The following DCX variants were observed in gnomAD, a reference collection of about 807,000 sequenced individuals.
The protein encoded by DCX is neuronal migration protein doublecortin.
A neutral mutation model predicts 20.9 loss-of-function variants in DCX; 4 were observed. The observed-to-expected ratio is 0.19, with a 90% CI of 0.09 to 0.44. The LOEUF (loss-of-function observed/expected upper bound fraction) is 0.44, where lower values mean the gene tolerates loss of function less well. Ranked by LOEUF, DCX falls within the 20% of genes least tolerant of loss-of-function variation. The probability of loss-of-function intolerance (pLI) is 0.99; values close to 1 mark genes in which losing one functional copy is unlikely to be tolerated. For synonymous variants in DCX, 103 were observed against 111.4 expected, an observed-to-expected ratio of 0.92 and a Z score of 0.47; for missense variants, 133 against 296.9, an observed-to-expected ratio of 0.45 and a Z score of 4.06.
rs765483257 is a variant in DCX at position 111,347,120 on chromosome X, G to T, written c.706-13967C>A. Among the ~76,000 whole-genome samples, 354 of 111,427 alleles carry T rather than the reference G, an allele frequency of 3.2e-3. 3 individuals are homozygous for T. Among genetic ancestry groups the T allele is most frequent in the African/African-American group, 0.011 (323 of 30,710 alleles). ...AACACATATTTAAAAATTATTATTAGTAGTAGTAACAAGCAAGAGTAAGAA... is the reference window on the plus strand; with the variant it reads ...AACACATATTTAAAAATTATTATTATTAGTAGTAACAAGCAAGAGTAAGAA... On this transcript the variant is annotated intron_variant, in intron 3 of 6. Coordinates refer to ENST00000636035, the MANE Select transcript of DCX (RefSeq NM_001195553.2).
At chrX:111,396,136 C>T (rs998981241) in intron 3 of DCX, among the ~76,000 whole-genome samples, 3 of 112,070 alleles carry the variant, frequency 2.7e-5, no homozygotes, top group Non-Finnish European at 5.6e-5. Flanking sequence ...TGAAACATCC[C>T]TCATGCTCTC....
chrX:111,396,929 C>T (rs934898057), intron 3 of DCX, among the ~76,000 whole-genome samples: 9 of 111,273 alleles, frequency 8.1e-5, no homozygotes, highest in Admixed American at 1.9e-4. Context: ...TGGTGGTTGG[C>T]TTTCCTGTCT....
chrX:111,331,432 T>C (rs1000199265), intron 4 of DCX, among the ~76,000 whole-genome samples: 1 of 112,196 alleles, frequency 8.9e-6, no homozygotes, highest in African/African-American at 3.2e-5. Flanking sequence ...GCTACACAGA[T>C]GAAACATCCA....
At chrX:111,339,202 A>G (rs768027398) in intron 3 of DCX, among the ~76,000 whole-genome samples, 2 of 111,743 alleles carry the variant, frequency 1.8e-5, no homozygotes, top group South Asian at 7.6e-4. Context: ...AGGTGATCAT[A>G]TCCAGTTCCA....
chrX:111,401,412 A>C (rs1165816617), intron 2 of DCX, 82 bp from the exon 3 acceptor site: 4 of 872,477 alleles, frequency 4.6e-6, no homozygotes, highest in Non-Finnish European at 6.7e-6. Flanking sequence ...ACACACTGAC[A>C]CTGGAGTAGA....
At chrX:111,375,358 GA>G (rs1925450719) in intron 3 of DCX, among the ~76,000 whole-genome samples, 1 of 111,151 alleles carries the variant, frequency 9.0e-6, no homozygotes, top group African/African-American at 3.3e-5. Flanking sequence ...AAATCTGGGG[GA>G]AAGGTACATG....
chrX:111,361,366 A>C (rs902919225), intron 3 of DCX, among the ~76,000 whole-genome samples: 4 of 112,275 alleles, frequency 3.6e-5, no homozygotes, highest in African/African-American at 1.3e-4. Context: ...TTAAAGAATC[A>C]CTAGTAAGAG....
intron 3 of DCX, among the ~76,000 whole-genome samples, chrX:111,390,652 C>A (rs191074597): frequency 1.5e-3 from 163 of 111,296 alleles, no homozygotes; most frequent in Middle Eastern, 9.2e-3. Flanking sequence ...AAATTCAAAA[C>A]AACAGTGACC....
chrX:111,336,256 C>A (rs1050086820), intron 3 of DCX, among the ~76,000 whole-genome samples: 1 of 112,253 alleles, frequency 8.9e-6, no homozygotes, highest in African/African-American at 3.2e-5. Context: ...CCTCCAACCA[C>A]AAGCCTCTCT....
intron 3 of DCX, among the ~76,000 whole-genome samples, chrX:111,390,803 A>G (rs1192399714): frequency 3.6e-5 from 4 of 110,355 alleles, no homozygotes; most frequent in Non-Finnish European, 7.6e-5. Context: ...GTTTGAGACC[A>G]GCCTGGCCGA....
At chrX:111,400,344 G>A (rs1192965879) in intron 3 of DCX, among the ~76,000 whole-genome samples, 2 of 111,965 alleles carry the variant, frequency 1.8e-5, no homozygotes, top group African/African-American at 3.2e-5. Flanking sequence ...TGATTTGGAG[G>A]GGGAACAGAT....
intron 1 of DCX, 48 bp from the exon 2 acceptor site, chrX:111,410,468 A>G (rs772095381): frequency 2.5e-6 from 3 of 1,187,335 alleles, no homozygotes; most frequent in African/African-American, 3.5e-5. Context: ...AAAAACAAAA[A>G]GGGACAAGGA....
chrX:111,400,482 G>A (rs1191456159), intron 3 of DCX, among the ~76,000 whole-genome samples: 1 of 112,165 alleles, frequency 8.9e-6, no homozygotes, highest in African/African-American at 3.2e-5. Context: ...ATGGTTTAGT[G>A]TGAGGCAAAG....
chrX:111,331,725 A>C (rs1921261625), intron 4 of DCX, among the ~76,000 whole-genome samples: 1 of 112,276 alleles, frequency 8.9e-6, no homozygotes. Context: ...CCCTAGCCTC[A>C]GTCTGACACC....
chrX:111,364,182 A>G (rs1924430725), intron 3 of DCX, among the ~76,000 whole-genome samples: 1 of 111,943 alleles, frequency 8.9e-6, no homozygotes, highest in Non-Finnish European at 1.9e-5. Context: ...CCTAGGGAGG[A>G]TATACAAGAC....
chrX:111,334,238 C>T (rs1232416102), intron 3 of DCX, among the ~76,000 whole-genome samples: 1 of 111,980 alleles, frequency 8.9e-6, no homozygotes. Context: ...CGATTGCAAG[C>T]CTTACACAAA....
chrX:111,304,752 G>A (rs2095041357), intron 6 of DCX, among the ~76,000 whole-genome samples: 1 of 112,041 alleles, frequency 8.9e-6, no homozygotes, highest in African/African-American at 3.2e-5. Flanking sequence ...AGCAAATCAA[G>A]CTGCTGAAAA....
chrX:111,401,626 A>G (rs1927798566), intron 2 of DCX, among the ~76,000 whole-genome samples: 1 of 112,001 alleles, frequency 8.9e-6, no homozygotes, highest in African/African-American at 3.2e-5. Context: ...TCCAAGCTTG[A>G]TATGGTTTTT....
At chrX:111,365,691 C>T (rs1358750456) in intron 3 of DCX, among the ~76,000 whole-genome samples, 6 of 108,014 alleles carry the variant, frequency 5.6e-5, no homozygotes, top group Non-Finnish European at 1.1e-4. Flanking sequence ...TATATTAGAA[C>T]ATTTATAAAC....
Sources: allele counts gnomAD v4.1 joint callset (sites outside exome capture counted in the v4.1 genomes callset), GRCh38; gene constraint gnomAD v4.1.1; transcripts MANE v1.5; gene names NCBI Gene and HGNC (gene_info 2026-07-23, HGNC 2026-07-21).